EEF1A2: variants seen among roughly 807,000 people sequenced by gnomAD.
EEF1A2 encodes eukaryotic translation elongation factor 1 alpha 2, also known as elongation factor 1-alpha 2.
Under a neutral mutation model 39.3 loss-of-function variants are expected in EEF1A2, and 5 were observed. The ratio of observed to expected loss-of-function variants is 0.13; its 90% CI spans 0.07 to 0.27. The LOEUF (loss-of-function observed/expected upper bound fraction) is 0.27, where lower values mean the gene tolerates loss of function less well. Among genes scored for constraint, EEF1A2 ranks in the 10% least tolerant of loss-of-function variants. The pLI, the probability that EEF1A2 is intolerant of heterozygous loss-of-function variation, is 1.00. For missense variants in EEF1A2, 218 were observed against 681.4 expected (o/e 0.32, Z 7.57); for synonymous variants, 287 against 293.7 (o/e 0.98, Z 0.23).
At chr20:63,494,438 C>T (rs901599406) in intron 4 of EEF1A2, among the ~76,000 whole-genome samples, 10 of 152,228 alleles carry the variant, frequency 6.6e-5, no homozygotes, top group African/African-American at 1.4e-4. Context: ...AGCCCCTGCA[C>T]GGTGTCCAGG....
chr20:63,489,644 G>T (rs887158912), intron 6 of EEF1A2, among the ~76,000 whole-genome samples: 2 of 152,154 alleles, frequency 1.3e-5, no homozygotes, highest in African/African-American at 4.8e-5. Flanking sequence ...TTAGCCAGGC[G>T]TGGTGGCACA....
Position 63,498,957 on chromosome 20 carries a change from G to A in EEF1A2, c.-72+101C>T, listed in dbSNP as rs1192344432. On this transcript the variant is annotated intron_variant, in intron 1 of 7. Coordinates refer to ENST00000217182, the MANE Select transcript of EEF1A2 (RefSeq NM_001958.5). The surrounding 1 kb of genome is among the most constrained non-coding windows in gnomAD (Gnocchi z 4.1). ...GGACTCCGGGCGCGCGCGGGGGCGG[G>A]TGCGGGGCCCGGCCACCCTCTGCCC... 1.3e-5 allele frequency: 2 copies of A among 149,352 alleles called. No individual in the cohort carries two copies. Among genetic ancestry groups the A allele is most frequent in the Admixed American group, 1.3e-4 (2 of 15,044 alleles). The allele number at this position is 149,352 out of a possible 1,614,324, so 9.3% of individuals were successfully genotyped here.
At chr20:63,490,104 G>A (rs890390020) in intron 6 of EEF1A2, 1 of 167,770 alleles carries the variant, frequency 6.0e-6, no homozygotes, top group African/African-American at 2.4e-5. Flanking sequence ...GTCTCGCTCT[G>A]TCACGCAGGC....
intron 2 of EEF1A2, chr20:63,496,834 G>A (rs2082419885): frequency 6.6e-6 from 1 of 152,578 alleles, no homozygotes; most frequent in Non-Finnish European, 1.5e-5. Flanking sequence ...CCAGGTAAAG[G>A]GTGATGCAGC....
At position 63,497,900 on chromosome 20, in the gene EEF1A2, C is replaced by A; in HGVS notation, c.-71-66G>T. The stretch of plus-strand genomic sequence containing the variant: ...CCCCAGGGGGAGACACCAGCAGAGA[C>A]TGTCCTGGCACAGGCTGGACAGGCA... On this transcript the variant is annotated intron_variant, in intron 1 of 7. Transcript: ENST00000217182. The surrounding 1 kb of genome is among the most constrained non-coding windows in gnomAD (Gnocchi z 7.3). The A allele has an allele frequency of 8.1e-7, 1 of 1,233,814 alleles. No homozygotes were observed. The highest frequency in any genetic ancestry group is 1.1e-6 in the Non-Finnish European group (1 of 892,236). 76.4% of individuals were successfully genotyped at this position (1,233,814 alleles called of 1,614,324 possible). A position where few individuals can be genotyped will look rare whatever the true frequency, so the allele number is the denominator to read the frequency against.
intron 5 of EEF1A2, among the ~76,000 whole-genome samples, chr20:63,490,967 C>T (rs930580799): frequency 6.6e-6 from 1 of 152,202 alleles, no homozygotes; most frequent in Non-Finnish European, 1.5e-5. Context: ...AAATAAGAGG[C>T]TGAGCAGCAG....
At position 63,494,791 on chromosome 20, in the gene EEF1A2, T is replaced by C; in HGVS notation, c.621+14A>G. The C allele has an allele frequency of 1.2e-6, 2 of 1,604,264 alleles. No individual in the cohort carries two copies. Among genetic ancestry groups the C allele is most frequent in the Non-Finnish European group, 1.7e-6 (2 of 1,175,276 alleles). On this transcript the variant is annotated intron_variant, in intron 4 of 7. Transcript: ENST00000217182. ...CCAGCTCCCGTGGCCCGCCCCGCCC[T>C]AGCCGCCACTCACGTTGGGGGAGGG... is the stretch of plus-strand genomic sequence containing the variant.
In EEF1A2 at chr20:63,494,990, T is replaced by C; in HGVS notation, c.436A>G (p.Lys146Glu). 1 of 1,612,790 alleles carries C rather than the reference T, an allele frequency of 6.2e-7. No individual in the cohort carries two copies. Among genetic ancestry groups the C allele is most frequent in the Non-Finnish European group, 8.5e-7 (1 of 1,179,968 alleles). The change falls in exon 4 of 8, where the codon AAG becomes GAG. Residue 146 changes from lysine to glutamate, a missense_variant. Transcript: ENST00000217182. ...TTGTTCACGCCCACGATGAGCTGCT[T>C]CACACCCAGCGTGTAGGCCAGCAGG... is the stretch of plus-strand genomic sequence containing the variant. ...HALLAYTLGV[K>E]QLIVGVNKMD...
chr20:63,497,432 C>T lies in EEF1A2; in HGVS notation c.144+188G>A. 1.2e-6 allele frequency: 1 copy of T among 853,484 alleles called. No individual in the cohort carries two copies. The highest frequency in any genetic ancestry group is 1.7e-6 in the Non-Finnish European group (1 of 599,230). 52.9% of individuals were successfully genotyped at this position (853,484 alleles called of 1,614,324 possible). A position where few individuals can be genotyped will look rare whatever the true frequency, so the allele number is the denominator to read the frequency against. ...CGATGGCCACCCCTCCCCCACCAAGCTCCCCCTAAGAGAGAGGCTGCCCCA... is the reference window on the plus strand; with the variant it reads ...CGATGGCCACCCCTCCCCCACCAAGTTCCCCCTAAGAGAGAGGCTGCCCCA... On this transcript the variant is annotated intron_variant, in intron 2 of 7. Coordinates refer to ENST00000217182, the MANE Select transcript of EEF1A2 (RefSeq NM_001958.5). This position sits in a 1 kb window ranked among gnomAD's most constrained non-coding sequence, Gnocchi z 7.3.
intron 5 of EEF1A2, among the ~76,000 whole-genome samples, chr20:63,491,190 C>G (rs2082377089): frequency 1.5e-5 from 1 of 67,150 alleles, no homozygotes; most frequent in Non-Finnish European, 2.7e-5. Flanking sequence ...TGGCCCTGCT[C>G]CCTGCTCCCT....
chr20:63,493,216 G>C lies in EEF1A2; in HGVS notation c.693C>G (p.Ala231=). The C allele has an allele frequency of 6.5e-7, 1 of 1,548,378 alleles. No individual in the cohort carries two copies. The highest frequency in any genetic ancestry group is 8.7e-7 in the Non-Finnish European group (1 of 1,145,638). The change falls in exon 5 of 8, where the codon GCC becomes GCG. Residue 231 remains alanine (A), a synonymous_variant. Coordinates refer to ENST00000217182, the MANE Select transcript of EEF1A2 (RefSeq NM_001958.5). ...GCGTGGGGGGCAGGATGGTGTCCAG[G>C]GCCTCCAGCAGGGACACGCCGCTTG... ...GNASGVSLLE[A]LDTILPPTRP... is the part of the protein sequence containing the mutation.
In EEF1A2 at chr20:63,488,178, G is replaced by A; in HGVS notation, c.*120C>T. ...CTCTGGCAAGCGGAGGTGCAGACAT[G>A]CGCCTGGCGGGGGTGCGGGGCGCCG... is the stretch of plus-strand genomic sequence containing the variant. On this transcript the variant is annotated 3_prime_UTR_variant, in exon 8 of 8. Coordinates refer to ENST00000217182, the MANE Select transcript of EEF1A2 (RefSeq NM_001958.5). The A allele has an allele frequency of 1.7e-6, 1 of 603,100 alleles. No individual in the cohort carries two copies. The highest frequency in any genetic ancestry group is 2.1e-6 in the Non-Finnish European group (1 of 484,598). 37.4% of individuals were successfully genotyped at this position (603,100 alleles called of 1,614,324 possible).
At position 63,488,346 on chromosome 20, in the gene EEF1A2, G is replaced by C; in HGVS notation, c.1344C>G (p.Ala448=). 1 of 1,466,918 alleles carries C rather than the reference G, an allele frequency of 6.8e-7. No homozygotes were observed. The highest frequency in any genetic ancestry group is 9.0e-7 in the Non-Finnish European group (1 of 1,109,476). 90.9% of individuals were successfully genotyped at this position (1,466,918 alleles called of 1,614,324 possible). A position where few individuals can be genotyped will look rare whatever the true frequency, so the allele number is the denominator to read the frequency against. The change falls in exon 8 of 8, where the codon GCC becomes GCG. Residue 448 remains alanine, a synonymous_variant. Coordinates refer to ENST00000217182, the MANE Select transcript of EEF1A2 (RefSeq NM_001958.5). Reference sequence around the variant, plus strand: ...TCTGCGCCGACTTGGTGACCTTGCCGGCGCCGCCGCTCTTCTTCTCCACGT... The same window carrying C: ...TCTGCGCCGACTTGGTGACCTTGCCCGCGCCGCCGCTCTTCTTCTCCACGT... ...IKNVEKKSGG[A]GKVTKSAQKA... is the part of the protein sequence containing the mutation.
chr20:63,495,210 G>A, intron 3 of EEF1A2, 109 bp from the exon 4 acceptor site: 1 of 1,461,938 alleles, frequency 6.8e-7, no homozygotes, highest in East Asian at 2.4e-5. Flanking sequence ...GCTGGGGCCT[G>A]AGCAGCCCAC....
At chr20:63,494,284 C>T (rs760444795) in intron 4 of EEF1A2, among the ~76,000 whole-genome samples, 9 of 152,232 alleles carry the variant, frequency 5.9e-5, no homozygotes, top group East Asian at 1.9e-4. Context: ...ACAGACTGTT[C>T]GCACGTTGAG....
At position 63,492,220 on chromosome 20, in the gene EEF1A2, G is replaced by A. The variant is rs2082387166; in HGVS notation, c.772+917C>T. Among the ~76,000 whole-genome samples the A allele has an allele frequency of 1.3e-5, 2 of 151,466 alleles. 1 individual carries two copies. Among genetic ancestry groups the A allele is most frequent in the Non-Finnish European group, 2.9e-5 (2 of 67,854 alleles). ...TGGATGGATGGATGGATAAATGGAT[G>A]GATGGAAGGATGGATGGATAGGTAG... On this transcript the variant is annotated intron_variant, in intron 5 of 7. Coordinates refer to ENST00000217182, the MANE Select transcript of EEF1A2 (RefSeq NM_001958.5).
At chr20:63,492,390 G>GGAGGTGGA (rs769905403) in intron 5 of EEF1A2, among the ~76,000 whole-genome samples, 1 of 129,774 alleles carries the variant, frequency 7.7e-6, no homozygotes, top group Non-Finnish European at 1.6e-5. Flanking sequence ...GGATGGGTGG[G>GGAGGTGGA]TAGATGGATG....
rs536203214 is a variant in EEF1A2 at position 63,490,347 on chromosome 20, G to A, written c.1029+132C>T. ...CTCAAAGTGCTGGGATTACAGGCGT[G>A]AACCACTGCGCCCAGCCTGAGGGTC... On this transcript the variant is annotated intron_variant, in intron 6 of 7. Coordinates refer to ENST00000217182, the MANE Select transcript of EEF1A2 (RefSeq NM_001958.5). The A allele has an allele frequency of 3.6e-5, 43 of 1,193,702 alleles. No individual in the cohort carries two copies. In the South Asian group the frequency reaches 6.3e-4, roughly 17 times the overall value. 73.9% of individuals were successfully genotyped at this position (1,193,702 alleles called of 1,614,324 possible). A position where few individuals can be genotyped will look rare whatever the true frequency, so the allele number is the denominator to read the frequency against.
rs1425838714 is a variant in EEF1A2, at chr20:63,497,778, G to A, written c.-15C>T. On this transcript the variant is annotated 5_prime_UTR_variant, in exon 2 of 8. Transcript: ENST00000217182. The surrounding 1 kb of genome is among the most constrained non-coding windows in gnomAD (Gnocchi z 7.3). The stretch of plus-strand genomic sequence containing the variant: ...TCCTTGCCCATTTTGCTGGGAGTGT[G>A]AGGGGCTGGCGGGACCCGGGGTGCT... 4.3e-6 allele frequency: 7 copies of A among 1,609,952 alleles called. No homozygotes were observed. In the East Asian group the frequency reaches 1.6e-4, roughly 36 times the overall value.
Sources: allele counts gnomAD v4.1 joint callset (sites outside exome capture counted in the v4.1 genomes callset), GRCh38; gene constraint gnomAD v4.1.1; non-coding constraint Gnocchi (gnomAD v3.1); transcripts MANE v1.5; gene names NCBI Gene and HGNC (gene_info 2026-07-23, HGNC 2026-07-21).